Variants in MTHFS observed in about 807,000 individuals in gnomAD.
The protein encoded by MTHFS is methenyltetrahydrofolate synthetase.
MTHFS carries 7 observed loss-of-function variants against 12.7 expected under a neutral mutation model. That is an observed-to-expected ratio of 0.55 (90% CI 0.31 to 1.03). The LOEUF (loss-of-function observed/expected upper bound fraction) is 1.03, where lower values mean the gene tolerates loss of function less well. Ranked by LOEUF, MTHFS falls within the 50% of genes least tolerant of loss-of-function variation. The pLI is 0.05. For synonymous variants in MTHFS, 100 were observed against 97.1 expected (o/e 1.03, Z -0.18); for missense variants, 252 against 258.1 (o/e 0.98, Z 0.16).
At chr15:79,853,942 A>G (rs2033757623) in intron 2 of MTHFS, among the ~76,000 whole-genome samples, 1 of 152,238 alleles carries the variant, frequency 6.6e-6, no homozygotes, top group South Asian at 2.1e-4. Flanking sequence ...ACACTGTGCT[A>G]AGCTCTTTGC....
intron 2 of MTHFS, among the ~76,000 whole-genome samples, chr15:79,858,513 G>T (rs1313088060): frequency 6.6e-6 from 1 of 152,116 alleles, no homozygotes; most frequent in South Asian, 2.1e-4. Context: ...ACCTAGGCCT[G>T]TTCTCTTATC....
chr15:79,888,516 G>A (rs952437690), intron 2 of MTHFS, among the ~76,000 whole-genome samples: 2 of 152,208 alleles, frequency 1.3e-5, no homozygotes, highest in African/African-American at 4.8e-5. Context: ...GCCTTTCCAG[G>A]AATGCAGGCA....
intron 2 of MTHFS, among the ~76,000 whole-genome samples, chr15:79,861,310 C>T (rs547419738): frequency 2.9e-4 from 44 of 152,330 alleles, no homozygotes; most frequent in African/African-American, 1.0e-3. Context: ...CGTCCCCCTC[C>T]ATACACCTGT....
Position 79,889,356 on chromosome 15 carries a change from T to G in MTHFS, c.118-2A>C, listed in dbSNP as rs1382788953. 6.2e-7 allele frequency: 1 copy of G among 1,610,334 alleles called. No individual in the cohort carries two copies. Among genetic ancestry groups the G allele is most frequent in the Admixed American group, 1.7e-5 (1 of 59,764 alleles). On this transcript the variant is annotated splice_acceptor_variant, in intron 1 of 2. Coordinates refer to ENST00000258874, the MANE Select transcript of MTHFS (RefSeq NM_006441.4). LOFTEE classifies it high-confidence loss of function. ...TTGATACTCACTGTGGGCAATCACC[T>G]AAATGGGAAATTATGGCAATTATAT...
At chr15:79,854,314 G>A (rs1055262835) in intron 2 of MTHFS, among the ~76,000 whole-genome samples, 6 of 152,236 alleles carry the variant, frequency 3.9e-5, no homozygotes, top group Non-Finnish European at 7.3e-5. Flanking sequence ...AACTTGGCCT[G>A]AAGGTGCAAG....
chr15:79,891,985 A>AG (rs2034482350), intron 1 of MTHFS, among the ~76,000 whole-genome samples: 1 of 134,050 alleles, frequency 7.5e-6, no homozygotes, highest in Non-Finnish European at 1.7e-5. Context: ...AAAAAAAAAA[A>AG]GAGAAAGAAA....
chr15:79,846,388 T>C (rs1307739495), intron 2 of MTHFS, among the ~76,000 whole-genome samples: 1 of 152,006 alleles, frequency 6.6e-6, no homozygotes, highest in African/African-American at 2.4e-5. Flanking sequence ...GGGTGACCTA[T>C]AGCTTAGTTG....
At chr15:79,858,748 T>C (rs2033855882) in intron 2 of MTHFS, among the ~76,000 whole-genome samples, 1 of 152,234 alleles carries the variant, frequency 6.6e-6, no homozygotes, top group South Asian at 2.1e-4. Flanking sequence ...CTTGAATACT[T>C]TGTTTTGAAA....
At chr15:79,847,488 T>C (rs2141338436) in intron 2 of MTHFS, among the ~76,000 whole-genome samples, 1 of 151,888 alleles carries the variant, frequency 6.6e-6, no homozygotes, top group Non-Finnish European at 1.5e-5. Context: ...ACAGAGATCA[T>C]CCTGGCTAAC....
intron 1 of MTHFS, 118 bp from the exon 2 acceptor site, chr15:79,889,472 A>AAAAAAAAC: frequency 8.0e-7 from 1 of 1,242,414 alleles, no homozygotes. Flanking sequence ...AAAGAAAAAA[A>AAAAAAAAC]AAGGGGGGGG....
chr15:79,896,948 C>G lies in MTHFS; in HGVS notation c.41G>C (p.Arg14Pro), dbSNP rs776218062. The part of the protein sequence containing the change: ...AAVSSAKRSL[R>P]GELKQRLRAM... Reference sequence around the variant, plus strand: ...CCGCAGACGCTGCTTCAGCTCTCCCCGCAGGCTCCGCTTGGCGCTGCTCAC... The same window carrying G: ...CCGCAGACGCTGCTTCAGCTCTCCCGGCAGGCTCCGCTTGGCGCTGCTCAC... The change falls in exon 1 of 3, where the codon CGG (arginine) becomes CCG (proline). Residue 14 changes from arginine to proline, a missense_variant. Transcript: ENST00000258874. 2 of 1,537,766 alleles carry G rather than the reference C, an allele frequency of 1.3e-6. No homozygotes were observed. Among genetic ancestry groups the G allele is most frequent in the African/African-American group, 1.4e-5 (1 of 72,518 alleles).
Position 79,864,779 on chromosome 15 carries a change from C to T in MTHFS, c.380-19337G>A, listed in dbSNP as rs531012618. On this transcript the variant is annotated intron_variant, in intron 2 of 2. Coordinates refer to ENST00000258874, the MANE Select transcript of MTHFS (RefSeq NM_006441.4). ...TGTTACACAAGTGAGTGAACAAATA[C>T]AACACTTTAGAAAGGAAAAGAAAAA... Among the ~76,000 whole-genome samples, 5 of 152,030 alleles carry T rather than the reference C, an allele frequency of 3.3e-5. No individual in the cohort carries two copies. In the South Asian group the frequency reaches 8.3e-4, roughly 25 times the overall value.
chr15:79,896,794 G>T (rs1222513725), intron 1 of MTHFS, 78 bp downstream of exon 1: 8 of 1,527,692 alleles, frequency 5.2e-6, no homozygotes, highest in South Asian at 1.2e-5. Context: ...CACGGACCAT[G>T]CACAGATCAG....
chr15:79,872,052 C>T (rs1215610997), intron 2 of MTHFS, among the ~76,000 whole-genome samples: 1 of 133,198 alleles, frequency 7.5e-6, no homozygotes, highest in Non-Finnish European at 1.5e-5. Context: ...TTGCACTGAG[C>T]TGAGATAACA....
At chr15:79,885,156 A>T (rs2141373240) in intron 2 of MTHFS, among the ~76,000 whole-genome samples, 1 of 152,352 alleles carries the variant, frequency 6.6e-6, no homozygotes, top group Middle Eastern at 3.4e-3. Flanking sequence ...AACCAATCAT[A>T]ACCCTCCCAA....
chr15:79,886,216 CCAA>C lies in MTHFS; in HGVS notation c.379+2874_379+2876del, dbSNP rs575439412. On this transcript the variant is annotated intron_variant, in intron 2 of 2. Coordinates refer to ENST00000258874, the MANE Select transcript of MTHFS (RefSeq NM_006441.4). ...AGATAAACAGACAACAAAAGCTACA[CCAA>C]CGACAGCCTGAGCTCTGATCAGCTT... Among the ~76,000 whole-genome samples, 125 of 152,288 alleles carry C rather than the reference CCAA, an allele frequency of 8.2e-4. 2 individuals are homozygous for C. The highest frequency in any genetic ancestry group is 2.8e-3 in the African/African-American group (117 of 41,552).
intron 2 of MTHFS, among the ~76,000 whole-genome samples, chr15:79,855,672 C>G (rs536323612): frequency 6.6e-6 from 1 of 152,234 alleles, no homozygotes; most frequent in Non-Finnish European, 1.5e-5. Flanking sequence ...TTCTCCCACT[C>G]CCCATCCTCA....
chr15:79,886,178 G>A (rs747610736), intron 2 of MTHFS, among the ~76,000 whole-genome samples: 2 of 152,216 alleles, frequency 1.3e-5, no homozygotes, highest in Non-Finnish European at 2.9e-5. Context: ...CTGATAATGT[G>A]AGCAAACAAG....
In MTHFS at chr15:79,866,833, G is replaced by A. The variant is rs140734366; in HGVS notation, c.380-21391C>T. ...CTGGGCATGGTGGTGGCAGGCACCT[G>A]TAGTCCCAGTTAGTTGGGAGGCTGA... On this transcript the variant is annotated intron_variant, in intron 2 of 2. Coordinates refer to ENST00000258874, the MANE Select transcript of MTHFS (RefSeq NM_006441.4). Among the ~76,000 whole-genome samples, 1,395 of 152,222 alleles carry A rather than the reference G, an allele frequency of 9.2e-3. 29 individuals are homozygous for A. Among genetic ancestry groups the A allele is most frequent in the African/African-American group, 0.032 (1,345 of 41,538 alleles).
Sources: gnomAD v4.1 joint callset for allele counts (sites outside exome capture counted in the v4.1 genomes callset) on GRCh38, gnomAD v4.1.1 for gene constraint, MANE v1.5 for transcripts, NCBI Gene and HGNC (gene_info 2026-07-23, HGNC 2026-07-21) for gene names.